MBOAT2: variants seen among roughly 807,000 people sequenced by gnomAD.
The protein encoded by MBOAT2 is membrane-bound glycerophospholipid O-acyltransferase 2.
A neutral mutation model predicts 63.4 loss-of-function variants in MBOAT2; 28 were observed. The ratio of observed to expected loss-of-function variants is 0.44; its 90% CI spans 0.33 to 0.61. MBOAT2 has a LOEUF of 0.61. Among genes scored for constraint, MBOAT2 ranks in the 20% least tolerant of loss-of-function variants. The probability of loss-of-function intolerance (pLI) is 0.03; values close to 1 mark genes in which losing one functional copy is unlikely to be tolerated. For synonymous variants in MBOAT2, 211 were observed against 215.6 expected (o/e 0.98, Z 0.19); for missense variants, 470 against 605.8 (o/e 0.78, Z 2.35).
intron 1 of MBOAT2, among the ~76,000 whole-genome samples, chr2:8,991,111 C>G (rs1481278317): frequency 6.6e-6 from 1 of 152,110 alleles, no homozygotes; most frequent in East Asian, 1.9e-4. Flanking sequence ...CACAGTGAAG[C>G]ACACTACAGA....
At chr2:8,960,264 C>T (rs1228399079) in intron 1 of MBOAT2, among the ~76,000 whole-genome samples, 2 of 152,138 alleles carry the variant, frequency 1.3e-5, no homozygotes, top group Non-Finnish European at 2.9e-5. Context: ...TCTCTTATTT[C>T]TTTCTTTTTC....
At chr2:8,959,642 T>C (rs2103278109) in intron 1 of MBOAT2, among the ~76,000 whole-genome samples, 1 of 152,178 alleles carries the variant, frequency 6.6e-6, no homozygotes, top group South Asian at 2.1e-4. Flanking sequence ...GTGCATTTTT[T>C]TGTAAAGACA....
rs921899882 is a variant in MBOAT2, at chr2:8,947,629, C to T, written c.222-4365G>A. Among the ~76,000 whole-genome samples, 25 of 152,158 alleles carry T rather than the reference C, an allele frequency of 1.6e-4. No homozygotes were observed. In the South Asian group the frequency reaches 1.7e-3, roughly 10 times the overall value. On this transcript the variant is annotated intron_variant, in intron 2 of 12. Coordinates refer to ENST00000305997, the MANE Select transcript of MBOAT2 (RefSeq NM_138799.4). ...GGAGTCCTTAAGAATTACGCTAAAT[C>T]GATTCTGCCTGTACTCTGTTAATGG...
chr2:8,977,502 A>T (rs1670905997), intron 1 of MBOAT2, among the ~76,000 whole-genome samples: 1 of 152,092 alleles, frequency 6.6e-6, no homozygotes, highest in Admixed American at 6.6e-5. Flanking sequence ...AACTCGATGA[A>T]CATCTAATTT....
At chr2:8,916,919 C>T (rs1217754414) in intron 3 of MBOAT2, among the ~76,000 whole-genome samples, 1 of 152,186 alleles carries the variant, frequency 6.6e-6, no homozygotes, top group South Asian at 2.1e-4. Flanking sequence ...TATGAAGCTT[C>T]GGTAACCAAG....
intron 2 of MBOAT2, among the ~76,000 whole-genome samples, chr2:8,951,717 C>T (rs1668848863): frequency 6.6e-6 from 1 of 152,284 alleles, no homozygotes; most frequent in Non-Finnish European, 1.5e-5. Context: ...TTTGTGTGCA[C>T]AGAGATGTTT....
At chr2:8,876,967 T>TA (rs1258988614) in intron 7 of MBOAT2, 63 bp downstream of exon 7, 2 of 1,419,468 alleles carry the variant, frequency 1.4e-6, no homozygotes, top group African/African-American at 2.9e-5. Flanking sequence ...AAAATATTTG[T>TA]ATCTTTAAAT....
chr2:8,972,264 C>A (rs973761081), intron 1 of MBOAT2, among the ~76,000 whole-genome samples: 1 of 151,404 alleles, frequency 6.6e-6, no homozygotes, highest in East Asian at 1.9e-4. Context: ...ACAAGAAATG[C>A]GGAAAGGATT....
chr2:8,981,319 A>G (rs1671177400), intron 1 of MBOAT2, among the ~76,000 whole-genome samples: 1 of 152,192 alleles, frequency 6.6e-6, no homozygotes, highest in African/African-American at 2.4e-5. Flanking sequence ...GGTGAGTTGT[A>G]TGGTACATGA....
In MBOAT2 at chr2:9,003,641, C is replaced by G; in HGVS notation, c.-27G>C. ...GCCGGGCCTCGGCGCTCCGGCCGCC[C>G]GCGCCGCTCGCCCGCTCGCGCTGTG... On this transcript the variant is annotated 5_prime_UTR_variant, in exon 1 of 13. Transcript: ENST00000305997. This position sits in a 1 kb window ranked among gnomAD's most constrained non-coding sequence, Gnocchi z 5.4. The G allele has an allele frequency of 8.7e-7, 1 of 1,145,672 alleles. No homozygotes were observed. The allele number at this position is 1,145,672 out of a possible 1,614,324, so 71.0% of individuals were successfully genotyped here.
rs1007122643 is a variant in MBOAT2 at position 8,853,365 on chromosome 2, A to C, written c.*5314T>G. 1 of 152,232 alleles carries C rather than the reference A, an allele frequency of 6.6e-6. No homozygotes were observed. The highest frequency in any genetic ancestry group is 1.5e-5 in the Non-Finnish European group (1 of 68,032). 9.4% of individuals were successfully genotyped at this position (152,232 alleles called of 1,614,324 possible). On this transcript the variant is annotated 3_prime_UTR_variant, in exon 13 of 13. Coordinates refer to ENST00000305997, the MANE Select transcript of MBOAT2 (RefSeq NM_138799.4). ...GATAAATCTGTGTGCGCAGAACCAA[A>C]AATACATAAAATTGGGAAAGAGGCA...
At chr2:8,870,998 GTTGA>G (rs1049226419) in intron 8 of MBOAT2, among the ~76,000 whole-genome samples, 38 of 151,510 alleles carry the variant, frequency 2.5e-4, no homozygotes, top group African/African-American at 9.2e-4. Context: ...GATAAATTTG[GTTGA>G]TTTTTTTTTT....
At chr2:8,936,924 C>T (rs1185422486) in intron 3 of MBOAT2, among the ~76,000 whole-genome samples, 1 of 152,018 alleles carries the variant, frequency 6.6e-6, no homozygotes, top group Admixed American at 6.6e-5. Context: ...TCTTGAATAT[C>T]GCAGAACACG....
rs76105705 is a variant in MBOAT2 at position 8,933,766 on chromosome 2, G to T, written c.299+9421C>A. On this transcript the variant is annotated intron_variant, in intron 3 of 12. Coordinates refer to ENST00000305997, the MANE Select transcript of MBOAT2 (RefSeq NM_138799.4). The stretch of plus-strand genomic sequence containing the variant: ...CGTGAACTTCTTTTTACTCTAATAG[G>T]TTCAGAATGTCCAAAGTAATGCCTT... 2.4e-4 allele frequency among the ~76,000 whole-genome samples: 37 copies of T among 152,158 alleles called. 1 individual carries two copies. In the East Asian group the frequency reaches 7.1e-3, roughly 29 times the overall value.
rs562324203 is a variant in MBOAT2 at position 8,942,584 on chromosome 2, G to A, written c.299+603C>T. On this transcript the variant is annotated intron_variant, in intron 3 of 12. Coordinates refer to ENST00000305997, the MANE Select transcript of MBOAT2 (RefSeq NM_138799.4). ...TGAGTGTTTACTATATACCAAACACGTTTAGGGGCTGAATATATACCCACT... is the reference window on the plus strand; with the variant it reads ...TGAGTGTTTACTATATACCAAACACATTTAGGGGCTGAATATATACCCACT... Among the ~76,000 whole-genome samples, 40 of 152,264 alleles carry A rather than the reference G, an allele frequency of 2.6e-4. 1 individual carries two copies. The highest frequency in any genetic ancestry group is 8.2e-4 in the African/African-American group (34 of 41,542).
At chr2:8,954,768 G>A (rs1486375827) in intron 2 of MBOAT2, among the ~76,000 whole-genome samples, 1 of 152,110 alleles carries the variant, frequency 6.6e-6, no homozygotes, top group Non-Finnish European at 1.5e-5. Flanking sequence ...AGCAGAGAGA[G>A]CCTCACTTCA....
chr2:8,878,843 G>A (rs905887664), intron 6 of MBOAT2, among the ~76,000 whole-genome samples: 2 of 152,072 alleles, frequency 1.3e-5, no homozygotes, highest in Non-Finnish European at 2.9e-5. Flanking sequence ...TTGGGAGGCC[G>A]AGGCGGGCGG....
Position 8,943,217 on chromosome 2 carries a change from A to G in MBOAT2, c.269T>C (p.Met90Thr). The part of the protein sequence containing the change: ...LVQSGISYCI[M>T]IIIGVENMHN... ...CATGTTCTCCACTCCTATGATGATC[A>G]TGATACAGTAGGAAATTCCACTTTG... is the stretch of plus-strand genomic sequence containing the variant. Residue 90 changes from methionine to threonine, a missense_variant, in exon 3 of 13, where the codon ATG (methionine) becomes ACG (threonine). Transcript: ENST00000305997. The G allele has an allele frequency of 6.3e-7, 1 of 1,588,422 alleles. No homozygotes were observed. The highest frequency in any genetic ancestry group is 8.6e-7 in the Non-Finnish European group (1 of 1,163,650).
chr2:8,905,577 T>C (rs1424574025), intron 4 of MBOAT2, among the ~76,000 whole-genome samples: 2 of 152,134 alleles, frequency 1.3e-5, no homozygotes, highest in South Asian at 2.1e-4. Flanking sequence ...ACACCGCATG[T>C]TGTTATTCAC....
Sources: allele counts gnomAD v4.1 joint callset (sites outside exome capture counted in the v4.1 genomes callset), GRCh38; gene constraint gnomAD v4.1.1; non-coding constraint Gnocchi (gnomAD v3.1); transcripts MANE v1.5; gene names NCBI Gene and HGNC (gene_info 2026-07-23, HGNC 2026-07-21).